DCTN2: variants seen among roughly 807,000 people sequenced by gnomAD.
The protein encoded by DCTN2 is 50 kDa dynein-associated polypeptide.
Under a neutral mutation model 55.4 loss-of-function variants are expected in DCTN2, and 18 were observed. The observed-to-expected ratio is 0.32, with a 90% confidence interval of 0.22 to 0.48. The LOEUF is 0.48. Ranked by LOEUF, DCTN2 falls within the 20% of genes least tolerant of loss-of-function variation. The pLI, the probability that DCTN2 is intolerant of heterozygous loss-of-function variation, is 0.99. For synonymous variants in DCTN2, 168 were observed against 185.2 expected, an observed-to-expected ratio of 0.91 and a Z score of 0.76; for missense variants, 390 against 491.0, an observed-to-expected ratio of 0.79 and a Z score of 1.94.
intron 13 of DCTN2, among the ~76,000 whole-genome samples, chr12:57,531,612 A>G (rs1879720839): frequency 6.6e-6 from 1 of 152,216 alleles, no homozygotes; most frequent in Non-Finnish European, 1.5e-5. Context: ...CCAGGGCCAG[A>G]AAGGAAGCGA....
chr12:57,535,953 A>C, intron 2 of DCTN2, 108 bp from the exon 3 acceptor site: 1 of 813,218 alleles, frequency 1.2e-6, no homozygotes, highest in Non-Finnish European at 2.0e-6. Context: ...TACTTGTCCA[A>C]GGGGAAAGAA....
chr12:57,542,100 C>A (rs990202315), intron 2 of DCTN2, among the ~76,000 whole-genome samples: 1 of 152,024 alleles, frequency 6.6e-6, no homozygotes, highest in Admixed American at 6.5e-5. Flanking sequence ...CATGGTGAAA[C>A]CCTGTCTCTA....
At chr12:57,533,394 A>T (rs1236195975) in intron 7 of DCTN2, 91 bp from the exon 8 acceptor site, 1 of 1,167,018 alleles carries the variant, frequency 8.6e-7, no homozygotes, top group Non-Finnish European at 1.3e-6. Context: ...CCTGCCACTC[A>T]CCACCCCAAG....
chr12:57,544,255 T>G (rs1287598559), intron 2 of DCTN2: 9 of 360,278 alleles, frequency 2.5e-5, no homozygotes. Context: ...TGTTCCCATC[T>G]TCTATATAAA....
At chr12:57,533,843 A>T (rs974618958) in intron 7 of DCTN2, 110 bp downstream of exon 7, 3 of 1,128,430 alleles carry the variant, frequency 2.7e-6, no homozygotes, top group Non-Finnish European at 3.7e-6. Context: ...ATCAAGAGGA[A>T]TCAGAGGAAT....
chr12:57,535,368 CCT>C, intron 4 of DCTN2, 114 bp downstream of exon 4: 1 of 1,366,798 alleles, frequency 7.3e-7, no homozygotes, highest in Non-Finnish European at 1.0e-6. Flanking sequence ...CCTGCTGCTT[CCT>C]CAGGAACAGA....
chr12:57,545,922 G>T (rs1470078649), intron 2 of DCTN2, 106 bp downstream of exon 2: 12 of 1,166,840 alleles, frequency 1.0e-5, no homozygotes, highest in Non-Finnish European at 1.5e-5. Flanking sequence ...CCCAGGCTGG[G>T]GTTGGCATAC....
chr12:57,546,602 C>A (rs1412846434), intron 1 of DCTN2, among the ~76,000 whole-genome samples: 1 of 152,064 alleles, frequency 6.6e-6, no homozygotes, highest in Non-Finnish European at 1.5e-5. Flanking sequence ...AGCTCCCCAT[C>A]TGGCACAAGA....
intron 1 of DCTN2, 144 bp from the exon 2 acceptor site, chr12:57,546,240 C>T: frequency 1.4e-6 from 1 of 717,046 alleles, no homozygotes; most frequent in South Asian, 1.7e-5. Context: ...CCCCGTGAGT[C>T]AACAGTATGT....
chr12:57,530,876 C>T, intron 13 of DCTN2, 101 bp from the exon 14 acceptor site: 1 of 1,066,976 alleles, frequency 9.4e-7, no homozygotes. Flanking sequence ...GAAATGGAAG[C>T]ACAATTTGTG....
chr12:57,534,501 A>G, intron 5 of DCTN2, 49 bp from the exon 6 acceptor site: 1 of 1,549,698 alleles, frequency 6.5e-7, no homozygotes, highest in South Asian at 1.2e-5. Flanking sequence ...ATGAATCAAG[A>G]AGCAAAAAAA....
At chr12:57,541,783 T>C (rs1008164511) in intron 2 of DCTN2, among the ~76,000 whole-genome samples, 1 of 152,176 alleles carries the variant, frequency 6.6e-6, no homozygotes, top group Non-Finnish European at 1.5e-5. Flanking sequence ...TGGAATTCTA[T>C]TTGGGAATTA....
At chr12:57,535,433 A>G in intron 4 of DCTN2, 51 bp downstream of exon 4, 1 of 1,598,848 alleles carries the variant, frequency 6.3e-7, no homozygotes, top group Non-Finnish European at 8.6e-7. Flanking sequence ...CATGTCTGCT[A>G]GATAGGGTCA....
chr12:57,544,712 A>G (rs1932159419), intron 2 of DCTN2, among the ~76,000 whole-genome samples: 1 of 152,164 alleles, frequency 6.6e-6, no homozygotes. Context: ...TTTTTAAAAA[A>G]TATTTTCCAT....
intron 9 of DCTN2, 61 bp downstream of exon 9, chr12:57,532,923 G>T: frequency 6.3e-7 from 1 of 1,594,412 alleles, no homozygotes; most frequent in Non-Finnish European, 8.6e-7. Flanking sequence ...AATCCTCAAA[G>T]CAAACCCAAA....
chr12:57,538,202 A>T (rs1440007833), intron 2 of DCTN2: 2 of 455,364 alleles, frequency 4.4e-6, no homozygotes, highest in East Asian at 9.3e-5. Context: ...ACAGGGACAG[A>T]GAGCATTTTC....
rs747974907 is a variant in DCTN2, at chr12:57,530,653, T to C, written c.*36A>G. ...AAGCTGTTAACAGAGTTCACAGGGG[T>C]AGGGATAACCCCTGTTCTCCAGCTC... is the stretch of plus-strand genomic sequence containing the variant. On this transcript the variant is annotated 3_prime_UTR_variant, in exon 14 of 14. Transcript: ENST00000548249. The C allele has an allele frequency of 2.2e-5, 34 of 1,559,036 alleles. No individual in the cohort carries two copies. Among genetic ancestry groups the C allele is most frequent in the Non-Finnish European group, 3.0e-5 (34 of 1,131,792 alleles).
In DCTN2 at chr12:57,532,028, G is replaced by T. The variant is rs370892119; in HGVS notation, c.1106C>A (p.Thr369Asn). 6.4e-7 allele frequency: 1 copy of T among 1,562,552 alleles called. No homozygotes were observed. Among genetic ancestry groups the T allele is most frequent in the Non-Finnish European group, 8.7e-7 (1 of 1,152,814 alleles). ...MIANSLKDNT[T>N]LLTQVQTTMR... The stretch of plus-strand genomic sequence containing the variant: ...AGGGGCACACACCTGGGTCAAGAGG[G>T]TGGTATTGTCCTTCAAGGAATTAGC... Residue 369 changes from threonine to asparagine, a missense_variant, in exon 13 of 14, where the codon ACC becomes AAC. This residue lies in a region of DCTN2 where 273 missense variants were observed against 303.2 expected (regional missense o/e 0.90). Coordinates refer to ENST00000548249, the MANE Select transcript of DCTN2 (RefSeq NM_001261413.2).
chr12:57,538,458 G>A (rs1880425203), intron 2 of DCTN2: 1 of 749,802 alleles, frequency 1.3e-6, no homozygotes, highest in Non-Finnish European at 2.4e-6. Context: ...AAAGGACAGA[G>A]AAACAACTGC....
Sources: gnomAD v4.1 joint callset for allele counts (sites outside exome capture counted in the v4.1 genomes callset) on GRCh38, gnomAD v4.1.1 for gene constraint, gnomAD v4.1.1 regional missense constraint, MANE v1.5 for transcripts, NCBI Gene and HGNC (gene_info 2026-07-23, HGNC 2026-07-21) for gene names.